The following PIK3CD variants were observed in gnomAD, a reference collection of about 807,000 sequenced individuals.
PIK3CD encodes phosphatidylinositol-4,5-bisphosphate 3-kinase catalytic subunit delta, also known as phosphatidylinositol 4,5-bisphosphate 3-kinase catalytic subunit delta isoform.
Under a neutral mutation model 122.9 loss-of-function variants are expected in PIK3CD, and 20 were observed. The observed-to-expected ratio is 0.16, with a 90% CI of 0.11 to 0.24. PIK3CD has a LOEUF of 0.24. PIK3CD is among the 10% of genes least tolerant of loss of function. PIK3CD has a pLI of 1.00. For synonymous variants in PIK3CD, 596 were observed against 593.4 expected (o/e 1.00, Z -0.06); for missense variants, 787 against 1,406.3 (o/e 0.56, Z 7.04).
chr1:9,727,173 T>G lies in PIK3CD; in HGVS notation c.*127T>G. 9.7e-7 allele frequency: 1 copy of G among 1,027,116 alleles called. No individual in the cohort carries two copies. The highest frequency in any genetic ancestry group is 1.5e-6 in the Non-Finnish European group (1 of 670,772). 63.6% of individuals were successfully genotyped at this position (1,027,116 alleles called of 1,614,324 possible). ...GGAAAGAACCGACATGGCTGCCTTT[T>G]GTTTACACTGGTTATTTATTTATGA... On this transcript the variant is annotated 3_prime_UTR_variant, in exon 24 of 24. Coordinates refer to ENST00000377346, the MANE Select transcript of PIK3CD (RefSeq NM_005026.5).
Position 9,710,668 on chromosome 1 carries a change from G to A in PIK3CD, c.141+72G>A, listed in dbSNP as rs1647012788. The A allele has an allele frequency of 6.7e-7, 1 of 1,499,356 alleles. No individual in the cohort carries two copies. The highest frequency in any genetic ancestry group is 9.3e-7 in the Non-Finnish European group (1 of 1,078,884). The allele number at this position is 1,499,356 out of a possible 1,614,324, so 92.9% of individuals were successfully genotyped here. ...AGAGAGAGAGAGACACAGATAGACA[G>A]ACAGACAGACAGACAGATGGACAGG... On this transcript the variant is annotated intron_variant, in intron 3 of 23. Transcript: ENST00000377346. The surrounding 1 kb of genome is among the most constrained non-coding windows in gnomAD (Gnocchi z 4.7).
chr1:9,710,079 G>A lies in PIK3CD; in HGVS notation c.-32-345G>A, dbSNP rs114827320. The A allele has an allele frequency of 1.1e-3, 372 of 347,596 alleles. No homozygotes were observed. The highest frequency in any genetic ancestry group is 6.4e-3 in the African/African-American group (301 of 47,130). The allele number at this position is 347,596 out of a possible 1,614,324, so 21.5% of individuals were successfully genotyped here. A position where few individuals can be genotyped will look rare whatever the true frequency, so the allele number is the denominator to read the frequency against. Reference sequence around the variant, plus strand: ...CAGGTCTCAGGGCACCTGACCAGCTGTCCTGCCATCTCCCTTCTGTGCCAG... The same window carrying A: ...CAGGTCTCAGGGCACCTGACCAGCTATCCTGCCATCTCCCTTCTGTGCCAG... On this transcript the variant is annotated intron_variant, in intron 2 of 23. Coordinates refer to ENST00000377346, the MANE Select transcript of PIK3CD (RefSeq NM_005026.5). This position sits in a 1 kb window ranked among gnomAD's most constrained non-coding sequence, Gnocchi z 4.7.
Position 9,703,272 on chromosome 1 carries a change from G to A in PIK3CD, c.-32-7152G>A, listed in dbSNP as rs959659980. 3.3e-5 allele frequency among the ~76,000 whole-genome samples: 5 copies of A among 152,340 alleles called. No individual in the cohort carries two copies. The South Asian group carries it at 6.2e-4, about 19-fold the overall frequency. Reference sequence around the variant, plus strand: ...GAGATAACGTGTAGTGATAGGCTGCGCCTAAGTCTCATTCCCACCTCCAAG... The same window carrying A: ...GAGATAACGTGTAGTGATAGGCTGCACCTAAGTCTCATTCCCACCTCCAAG... On this transcript the variant is annotated intron_variant, in intron 2 of 23. Coordinates refer to ENST00000377346, the MANE Select transcript of PIK3CD (RefSeq NM_005026.5).
Position 9,719,884 on chromosome 1 carries a change from C to T in PIK3CD, c.1243-37C>T, listed in dbSNP as rs1222364628. Reference sequence around the variant, plus strand: ...GCAGGGAAGCTGGGTCTGGAGGCCCCTGAGTGGCTGTCCTCACCTGCCCTG... The same window carrying T: ...GCAGGGAAGCTGGGTCTGGAGGCCCTTGAGTGGCTGTCCTCACCTGCCCTG... On this transcript the variant is annotated intron_variant, in intron 9 of 23. Transcript: ENST00000377346. The surrounding 1 kb of genome is among the most constrained non-coding windows in gnomAD (Gnocchi z 5.5). 6.4e-7 allele frequency: 1 copy of T among 1,571,832 alleles called. No homozygotes were observed. Among genetic ancestry groups the T allele is most frequent in the Admixed American group, 1.7e-5 (1 of 59,970 alleles).
At chr1:9,639,461 G>T in the PIK3CD span, among the ~76,000 whole-genome samples, 1 of 151,986 alleles carries the variant, frequency 6.6e-6, no homozygotes, top group Non-Finnish European at 1.5e-5. Flanking sequence ...TTGCTAAAAC[G>T]TCTATTTTTA....
Position 9,717,807 on chromosome 1 carries a change from C to A in PIK3CD, c.1020+181C>A, listed in dbSNP as rs892473301. Among the ~76,000 whole-genome samples, 9 of 152,178 alleles carry A rather than the reference C, an allele frequency of 5.9e-5. No individual in the cohort carries two copies. The highest frequency in any genetic ancestry group is 1.3e-4 in the Non-Finnish European group (9 of 68,034). On this transcript the variant is annotated intron_variant, in intron 8 of 23. Transcript: ENST00000377346. This position sits in a 1 kb window ranked among gnomAD's most constrained non-coding sequence, Gnocchi z 5.4. ...AAACAGGAAGTGGGGAGGGGGTGGG[C>A]CAGCCGGCCCTGGAGGCTGATTCGT...
chr1:9,636,929 T>G, the PIK3CD span, among the ~76,000 whole-genome samples: 29,724 of 151,246 alleles, frequency 0.2, 2,972 homozygotes, highest in East Asian at 0.26. Flanking sequence ...ACGGAGTCTC[T>G]CTCTGTCACC....
Position 9,717,086 on chromosome 1 carries a change from C to T in PIK3CD, c.908C>T (p.Pro303Leu). The T allele has an allele frequency of 2.5e-6, 4 of 1,614,014 alleles. No individual in the cohort carries two copies. Among genetic ancestry groups the T allele is most frequent in the Non-Finnish European group, 3.4e-6 (4 of 1,180,030 alleles). ...CAGGTCCAGAAACCGCGTGCCAAAC[C>T]ACCTCCCATTCCTGCGAAGAAGGTG... The part of the protein sequence containing the change: ...APQVQKPRAK[P>L]PPIPAKKPSS... The change falls in exon 7 of 24, where the codon CCA becomes CTA. Residue 303 changes from proline to leucine, a missense_variant. Around this residue, in one of 6 missense-constraint regions of PIK3CD, gnomAD observed 592 missense variants for 920.6 expected, o/e 0.64. Coordinates refer to ENST00000377346, the MANE Select transcript of PIK3CD (RefSeq NM_005026.5). The surrounding 1 kb of genome is among the most constrained non-coding windows in gnomAD (Gnocchi z 5.4).
Position 9,710,167 on chromosome 1 carries a change from G to T in PIK3CD, c.-32-257G>T, listed in dbSNP as rs1371935990. ...CCTGAGGAAAGATGATTTGCTGTGC[G>T]TGCTCCTGTGGGGAGGACATGCAGT... On this transcript the variant is annotated intron_variant, in intron 2 of 23. Transcript: ENST00000377346. This position sits in a 1 kb window ranked among gnomAD's most constrained non-coding sequence, Gnocchi z 4.7. The T allele has an allele frequency of 6.4e-6, 3 of 465,634 alleles. No homozygotes were observed. The Admixed American group carries it at 1.0e-4, about 16-fold the overall frequency. The allele number at this position is 465,634 out of a possible 1,614,324, so 28.8% of individuals were successfully genotyped here.
rs1435334500 is a variant in PIK3CD at position 9,727,536 on chromosome 1, G to T, written c.*490G>T. ...GCAGCCGGGGTACCCTCTAGATTCA[G>T]GGATGCTTGCTCTCCACTTTTCAAG... On this transcript the variant is annotated 3_prime_UTR_variant, in exon 24 of 24. Transcript: ENST00000377346. The T allele has an allele frequency of 4.0e-6, 1 of 247,380 alleles. No homozygotes were observed. Among genetic ancestry groups the T allele is most frequent in the East Asian group, 6.4e-5 (1 of 15,650 alleles). 15.3% of individuals were successfully genotyped at this position (247,380 alleles called of 1,614,324 possible).
rs551832879 is a variant in PIK3CD, at chr1:9,666,003, T to A, written c.-138+14201T>A. ...GTGCAATGGCACAATCTTGGCTCAC[T>A]GCAACCTCCTTCTCCTGGCTTCAAG... On this transcript the variant is annotated intron_variant, in intron 1 of 23. Coordinates refer to ENST00000377346, the MANE Select transcript of PIK3CD (RefSeq NM_005026.5). 1.6e-4 allele frequency among the ~76,000 whole-genome samples: 25 copies of A among 152,310 alleles called. No homozygotes were observed. The East Asian group carries it at 4.2e-3, about 26-fold the overall frequency.
rs35463378 is a variant in PIK3CD, at chr1:9,674,692, C to CAAAAAA, written c.-137-16762_-137-16757dup. On this transcript the variant is annotated intron_variant, in intron 1 of 23. Coordinates refer to ENST00000377346, the MANE Select transcript of PIK3CD (RefSeq NM_005026.5). ...TGGGCGACAGAGCGAGACTCCGTCT[C>CAAAAAA]AAAAAAAAAAAAAAAAAAGAAACAA... 2.6e-3 allele frequency among the ~76,000 whole-genome samples: 149 copies of CAAAAAA among 58,226 alleles called. 1 individual carries two copies. The highest frequency in any genetic ancestry group is 8.5e-3 in the African/African-American group (147 of 17,288). 38.2% of individuals were successfully genotyped at this position (58,226 alleles called of 152,430 possible).
chr1:9,658,552 CAG>C (rs1325809815), intron 1 of PIK3CD, among the ~76,000 whole-genome samples: 4 of 94,414 alleles, frequency 4.2e-5, no homozygotes, highest in African/African-American at 2.1e-4. Context: ...TTTGGTGAGG[CAG>C]AGTCTCCCTG....
At chr1:9,690,292 C>T (rs1646153769) in intron 1 of PIK3CD, among the ~76,000 whole-genome samples, 2 of 152,194 alleles carry the variant, frequency 1.3e-5, no homozygotes, top group Admixed American at 6.5e-5. Flanking sequence ...TGTCCTGGCT[C>T]CTTATTTCCT....
At chr1:9,716,406 G>A (rs761911316) in intron 5 of PIK3CD, 34 bp from the exon 6 acceptor site, 8 of 1,607,528 alleles carry the variant, frequency 5.0e-6, no homozygotes, top group East Asian at 4.5e-5. Flanking sequence ...GGGGGGCCTC[G>A]AGGGCAGAGG....
intron 1 of PIK3CD, among the ~76,000 whole-genome samples, chr1:9,678,357 GA>G (rs1444138538): frequency 6.6e-6 from 1 of 152,040 alleles, no homozygotes; most frequent in Non-Finnish European, 1.5e-5. Context: ...TCGAGAGGCT[GA>G]GGCGGGAGGA....
chr1:9,636,606 C>T, the PIK3CD span, among the ~76,000 whole-genome samples: 1 of 152,206 alleles, frequency 6.6e-6, no homozygotes, highest in Admixed American at 6.5e-5. Flanking sequence ...TGTACCATGC[C>T]TTTCTCTGGA....
the PIK3CD span, among the ~76,000 whole-genome samples, chr1:9,636,719 G>A: frequency 6.6e-6 from 1 of 151,994 alleles, no homozygotes; most frequent in Non-Finnish European, 1.5e-5. Context: ...TAATGTTATC[G>A]CTTGTCCAAT....
chr1:9,719,045 A>G lies in PIK3CD; in HGVS notation c.1242+130A>G. The G allele has an allele frequency of 1.2e-6, 1 of 862,424 alleles. No individual in the cohort carries two copies. The highest frequency in any genetic ancestry group is 1.5e-5 in the South Asian group (1 of 67,012). 53.4% of individuals were successfully genotyped at this position (862,424 alleles called of 1,614,324 possible). ...ATGGGGGTCCTGGGATTGCTTGTGG[A>G]CCCCAGCCTCCTCACCCACCCTAGT... On this transcript the variant is annotated intron_variant, in intron 9 of 23. Transcript: ENST00000377346. This position sits in a 1 kb window ranked among gnomAD's most constrained non-coding sequence, Gnocchi z 5.5.
Sources: gnomAD v4.1 joint callset for allele counts (sites outside exome capture counted in the v4.1 genomes callset) on GRCh38, gnomAD v4.1.1 for gene constraint, gnomAD v4.1.1 regional missense constraint, Gnocchi (gnomAD v3.1) non-coding constraint, MANE v1.5 for transcripts, NCBI Gene and HGNC (gene_info 2026-07-23, HGNC 2026-07-21) for gene names.